SPECC1: variants seen among roughly 807,000 people sequenced by gnomAD.
The protein encoded by SPECC1 is sperm antigen with calponin homology and coiled-coil domains 1, also known as cytospin-B.
SPECC1 carries 62 observed loss-of-function variants against 104.1 expected under a neutral mutation model. The ratio of observed to expected loss-of-function variants is 0.60; its 90% CI spans 0.49 to 0.74. The LOEUF is 0.74. Among genes scored for constraint, SPECC1 ranks in the 30% least tolerant of loss-of-function variants. SPECC1 has a pLI of 0.00. For missense variants in SPECC1, 1,306 were observed against 1,310.5 expected (o/e 1.00, Z 0.05); for synonymous variants, 513 against 501.6 (o/e 1.02, Z -0.30).
intron 7 of SPECC1, among the ~76,000 whole-genome samples, chr17:20,241,420 T>A (rs2039196468): frequency 6.6e-6 from 1 of 152,186 alleles, no homozygotes; most frequent in Non-Finnish European, 1.5e-5. Context: ...TGCATCTCTC[T>A]GGGCTTCTCA....
intron 5 of SPECC1, among the ~76,000 whole-genome samples, chr17:20,229,450 A>T (rs1434981540): frequency 6.6e-6 from 1 of 152,184 alleles, no homozygotes; most frequent in Non-Finnish European, 1.5e-5. Context: ...GGATCGATTG[A>T]GCCCAGGAGT....
intron 2 of SPECC1, among the ~76,000 whole-genome samples, chr17:20,102,986 T>G (rs2048013407): frequency 6.6e-6 from 1 of 152,174 alleles, no homozygotes; most frequent in Non-Finnish European, 1.5e-5. Context: ...TGATCATACT[T>G]ACTTTTTAGG....
chr17:20,241,854 T>G (rs1455120127), intron 7 of SPECC1, among the ~76,000 whole-genome samples: 1 of 152,072 alleles, frequency 6.6e-6, no homozygotes, highest in Non-Finnish European at 1.5e-5. Flanking sequence ...TTAGAAAAAA[T>G]TACATTCCAG....
At chr17:20,058,785 G>A (rs1325475231) in intron 1 of SPECC1, among the ~76,000 whole-genome samples, 2 of 151,414 alleles carry the variant, frequency 1.3e-5, no homozygotes, top group Non-Finnish European at 2.9e-5. Flanking sequence ...GGGGTGGGGG[G>A]ATTGTTTTGG....
chr17:20,111,055 G>A (rs187317733), intron 3 of SPECC1, among the ~76,000 whole-genome samples: 2 of 152,150 alleles, frequency 1.3e-5, no homozygotes, highest in Non-Finnish European at 2.9e-5. Context: ...AACCTTCTCA[G>A]TGTTACTCAT....
At chr17:20,081,377 C>T (rs2046967637) in intron 1 of SPECC1, among the ~76,000 whole-genome samples, 1 of 152,060 alleles carries the variant, frequency 6.6e-6, no homozygotes, top group Non-Finnish European at 1.5e-5. Context: ...TGAATTCCCA[C>T]GACTCGTTTT....
rs957514398 is a variant in SPECC1, at chr17:20,314,284, C to G, written c.*219C>G. On this transcript the variant is annotated 3_prime_UTR_variant, in exon 15 of 15. Transcript: ENST00000395527. ...GCAGCTGGACTGTAAATTGGGGACT[C>G]TTTGATCTCTTGTGGGATGCTTCTA... The G allele has an allele frequency of 1.6e-5, 9 of 576,908 alleles. No individual in the cohort carries two copies. Among genetic ancestry groups the G allele is most frequent in the Non-Finnish European group, 2.5e-5 (8 of 319,276 alleles). 35.7% of individuals were successfully genotyped at this position (576,908 alleles called of 1,614,324 possible). A position where few individuals can be genotyped will look rare whatever the true frequency, so the allele number is the denominator to read the frequency against.
At chr17:20,156,059 G>C (rs937096226) in intron 3 of SPECC1, 23 of 1,295,900 alleles carry the variant, frequency 1.8e-5, no homozygotes, top group Non-Finnish European at 2.2e-5. Context: ...CTGGGAACTG[G>C]AAGGCGCCCG....
At chr17:20,277,629 A>G (rs2040616358) in intron 12 of SPECC1, among the ~76,000 whole-genome samples, 1 of 152,214 alleles carries the variant, frequency 6.6e-6, no homozygotes, top group South Asian at 2.1e-4. Flanking sequence ...GTTCAGGGGC[A>G]TGAAGCACGT....
intron 1 of SPECC1, among the ~76,000 whole-genome samples, chr17:20,089,058 A>G (rs2152498015): frequency 6.6e-6 from 1 of 152,302 alleles, no homozygotes; most frequent in Middle Eastern, 3.4e-3. Flanking sequence ...TAAATTACCC[A>G]GTCTACAGTT....
rs528908560 is a variant in SPECC1, at chr17:20,318,255, T to C, written c.*4190T>C. ...AAGTCGCTGTTCTCTGCATTGAACA[T>C]GGATTGAATTTTCCTTGTCTGATGG... On this transcript the variant is annotated 3_prime_UTR_variant, in exon 15 of 15. Coordinates refer to ENST00000395527, the MANE Select transcript of SPECC1 (RefSeq NM_001243439.2). The C allele has an allele frequency of 4.3e-6, 1 of 232,388 alleles. No homozygotes were observed. The highest frequency in any genetic ancestry group is 8.5e-6 in the Non-Finnish European group (1 of 117,526). 14.4% of individuals were successfully genotyped at this position (232,388 alleles called of 1,614,324 possible).
intron 7 of SPECC1, chr17:20,238,514 A>G (rs2039042866): frequency 1.7e-5 from 18 of 1,041,974 alleles, no homozygotes; most frequent in Non-Finnish European, 2.1e-5. Flanking sequence ...TAATAAAAGG[A>G]AAATTAGGAA....
chr17:20,103,869 A>T (rs1001260263), intron 2 of SPECC1, among the ~76,000 whole-genome samples: 1 of 152,138 alleles, frequency 6.6e-6, no homozygotes, highest in Admixed American at 6.5e-5. Flanking sequence ...AGGTGTTCCC[A>T]TATTCTAAGG....
intron 12 of SPECC1, among the ~76,000 whole-genome samples, chr17:20,272,959 G>T (rs995048877): frequency 6.6e-6 from 1 of 152,154 alleles, no homozygotes; most frequent in South Asian, 2.1e-4. Flanking sequence ...TCTTTATGCT[G>T]GAGGTTTGAC....
intron 1 of SPECC1, among the ~76,000 whole-genome samples, chr17:20,088,499 T>G (rs550931991): frequency 6.6e-6 from 1 of 152,112 alleles, no homozygotes; most frequent in Non-Finnish European, 1.5e-5. Flanking sequence ...GAGACGATTT[T>G]CTGGAGGTTT....
Position 20,205,076 on chromosome 17 carries a change from CT to C in SPECC1, c.1028del (p.Leu343ArgfsTer23). The C allele has an allele frequency of 6.2e-7, 1 of 1,614,214 alleles. No homozygotes were observed. The highest frequency in any genetic ancestry group is 8.5e-7 in the Non-Finnish European group (1 of 1,180,032). ...TACAGCAGAGACACCCTCAAGGCCC[CT>C]GTCCTCCACCAGTAACCCCTTTAAG... ...HITAETPSRP[L>X]SSTSNPFKSS... On this transcript the variant is annotated frameshift_variant, in exon 4 of 15. Transcript: ENST00000395527. LOFTEE classifies it high-confidence loss of function.
intron 3 of SPECC1, chr17:20,112,637 G>A: frequency 1.1e-6 from 1 of 894,372 alleles, no homozygotes; most frequent in Non-Finnish European, 1.9e-6. Flanking sequence ...GCTTGACTGT[G>A]CAAATCTTCA....
At chr17:20,109,580 G>A (rs891523735) in intron 2 of SPECC1, among the ~76,000 whole-genome samples, 8 of 152,222 alleles carry the variant, frequency 5.3e-5, no homozygotes, top group Non-Finnish European at 1.0e-4. Flanking sequence ...AACAGAGGGC[G>A]CTGCTTTCTT....
chr17:20,246,054 T>A lies in SPECC1; in HGVS notation c.2480T>A (p.Phe827Tyr), dbSNP rs2039408814. ...ATTVKSLIKS[F>Y]DLGRPGGAGQ... ...ACCGTTAAGTCACTTATCAAGTCAT[T>A]TGACTTGGGACGCCCAGGTATTTAA... is the stretch of plus-strand genomic sequence containing the variant. Residue 827 changes from phenylalanine (F) to tyrosine (Y), a missense_variant, in exon 8 of 15, where the codon TTT becomes TAT. By Grantham distance (22) the Phe-to-Tyr change is conservative. Coordinates refer to ENST00000395527, the MANE Select transcript of SPECC1 (RefSeq NM_001243439.2). 3.7e-6 allele frequency: 6 copies of A among 1,614,038 alleles called. No individual in the cohort carries two copies. Among genetic ancestry groups the A allele is most frequent in the African/African-American group, 1.3e-5 (1 of 74,924 alleles).
Sources: allele counts gnomAD v4.1 joint callset (sites outside exome capture counted in the v4.1 genomes callset), GRCh38; gene constraint gnomAD v4.1.1; transcripts MANE v1.5; gene names NCBI Gene and HGNC (gene_info 2026-07-23, HGNC 2026-07-21).